Variants in SCN2A observed in about 807,000 individuals in gnomAD.
SCN2A encodes the protein sodium voltage-gated channel alpha subunit 2, also known as sodium channel protein type 2 subunit alpha.
In SCN2A, 20 loss-of-function variants were observed where a neutral mutation model predicts 188.7. The ratio of observed to expected loss-of-function variants is 0.11; its 90% confidence interval spans 0.07 to 0.15. The LOEUF is 0.15. Ranked by LOEUF, SCN2A falls within the 10% of genes least tolerant of loss-of-function variation. The pLI, the probability that SCN2A is intolerant of heterozygous loss-of-function variation, is 1.00. For synonymous variants in SCN2A, 804 were observed against 833.1 expected, an observed-to-expected ratio of 0.97 and a Z score of 0.60; for missense variants, 1,278 against 2,445.0, an observed-to-expected ratio of 0.52 and a Z score of 10.07.
At chr2:165,308,089 T>C (rs1431789367) in intron 4 of SCN2A, 152 bp downstream of exon 4, 4 of 707,806 alleles carry the variant, frequency 5.7e-6, no homozygotes, top group Non-Finnish European at 1.0e-5. Flanking sequence ...AAATGTCTTC[T>C]AGGACAAAGC....
chr2:165,384,231 A>T (rs1301600962), intron 25 of SCN2A, among the ~76,000 whole-genome samples: 1 of 152,148 alleles, frequency 6.6e-6, no homozygotes. Flanking sequence ...TAATGTTCTA[A>T]AAAAAGTAAA....
intron 19 of SCN2A, among the ~76,000 whole-genome samples, chr2:165,369,034 T>C (rs1700881809): frequency 6.6e-6 from 1 of 152,164 alleles, no homozygotes. Flanking sequence ...CATGCCATTC[T>C]TGTGCCTTAA....
At position 165,263,802 on chromosome 2, in the gene SCN2A, G is replaced by A. The variant is rs1180394496; in HGVS notation, c.-52+24162G>A. Among the ~76,000 whole-genome samples, 11 of 151,814 alleles carry A rather than the reference G, an allele frequency of 7.2e-5. No homozygotes were observed. In the Middle Eastern group the frequency reaches 0.01, roughly 141 times the overall value. On this transcript the variant is annotated intron_variant, in intron 1 of 26. Transcript: ENST00000375437. Reference sequence around the variant, plus strand: ...TGTTGTGTTTCCATTTGTTTGTGTTGTCTATGATTTCTTTCAGCAGTGTTT... The same window carrying A: ...TGTTGTGTTTCCATTTGTTTGTGTTATCTATGATTTCTTTCAGCAGTGTTT...
rs1485827292 is a variant in SCN2A, at chr2:165,308,744, A to C, written c.555A>C (p.Thr185=). 2 of 1,612,800 alleles carry C rather than the reference A, an allele frequency of 1.2e-6. No homozygotes were observed. Among genetic ancestry groups the C allele is most frequent in the Non-Finnish European group, 1.7e-6 (2 of 1,179,174 alleles). Residue 185 remains threonine, a synonymous_variant, in exon 5 of 27, where the codon ACA becomes ACC. Coordinates refer to ENST00000375437, the MANE Select transcript of SCN2A (RefSeq NM_001040142.2). The stretch of plus-strand genomic sequence containing the variant: ...GGGGCTTTTGTTTAGAAGATTTCAC[A>C]TTTTTACGGGATCCATGGAATTGGT... ...LARGFCLEDF[T]FLRDPWNWLD... is the part of the protein sequence containing the mutation.
intron 19 of SCN2A, among the ~76,000 whole-genome samples, chr2:165,369,153 T>C (rs1243818082): frequency 2.0e-5 from 3 of 152,152 alleles, no homozygotes; most frequent in Non-Finnish European, 2.9e-5. Context: ...GGTCTCGAAC[T>C]CCTGGCCTCA....
intron 23 of SCN2A, among the ~76,000 whole-genome samples, chr2:165,379,133 G>A (rs1353221348): frequency 6.6e-6 from 1 of 151,774 alleles, no homozygotes; most frequent in Non-Finnish European, 1.5e-5. Flanking sequence ...TTATGCACAT[G>A]TTTAGGATAA....
intron 16 of SCN2A, among the ~76,000 whole-genome samples, chr2:165,351,224 GT>G (rs1024977376): frequency 1.3e-4 from 20 of 152,150 alleles, no homozygotes; most frequent in Admixed American, 6.5e-5. Context: ...GCTGATGAAA[GT>G]TAGTGTCTAG....
Position 165,331,254 on chromosome 2 carries a change from T to C in SCN2A, c.2150-76T>C. 4 of 1,157,216 alleles carry C rather than the reference T, an allele frequency of 3.5e-6. No homozygotes were observed. In the South Asian group the frequency reaches 5.0e-5, roughly 14 times the overall value. 71.7% of individuals were successfully genotyped at this position (1,157,216 alleles called of 1,614,324 possible). A position where few individuals can be genotyped will look rare whatever the true frequency, so the allele number is the denominator to read the frequency against. On this transcript the variant is annotated intron_variant, in intron 13 of 26. Coordinates refer to ENST00000375437, the MANE Select transcript of SCN2A (RefSeq NM_001040142.2). ...TTTAACAACTTTAGATTTTTTAAAT[T>C]CCTTTTAATTTAAACCAAATCTGCT...
intron 14 of SCN2A, among the ~76,000 whole-genome samples, chr2:165,340,744 G>A (rs1699266624): frequency 6.6e-6 from 1 of 152,208 alleles, no homozygotes; most frequent in Non-Finnish European, 1.5e-5. Context: ...AAAATCAGGT[G>A]AGTAGCATCC....
chr2:165,322,330 G>A (rs184326097), intron 11 of SCN2A, among the ~76,000 whole-genome samples: 92 of 152,266 alleles, frequency 6.0e-4, no homozygotes, highest in Non-Finnish European at 1.1e-3. Context: ...TGGGAGACCC[G>A]AGCCTCAAGT....
In SCN2A at chr2:165,389,156, G is replaced by A; in HGVS notation, c.5350G>A (p.Glu1784Lys). The change falls in exon 27 of 27, where the codon GAA (glutamate) becomes AAA (lysine). Residue 1784 changes from glutamate (E) to lysine (K), a missense_variant. Physicochemically the swap from Glu to Lys is moderately conservative, Grantham distance 56 (BLOSUM62 1). Coordinates refer to ENST00000375437, the MANE Select transcript of SCN2A (RefSeq NM_001040142.2). The surrounding 1 kb of genome is among the most constrained non-coding windows in gnomAD (Gnocchi z 4.2). ...CCTGGAGAACTTCAGTGTTGCTACT[G>A]AAGAAAGTGCAGAGCCTCTGAGTGA... ...VILENFSVATEESAEPLSEDD... is the reference protein window; with the variant it reads ...VILENFSVATKESAEPLSEDD... 1 of 1,614,062 alleles carries A rather than the reference G, an allele frequency of 6.2e-7. No individual in the cohort carries two copies. Among genetic ancestry groups the A allele is most frequent in the Non-Finnish European group, 8.5e-7 (1 of 1,180,016 alleles).
intron 23 of SCN2A, among the ~76,000 whole-genome samples, chr2:165,379,167 C>CT (rs36015842): frequency 3.3e-5 from 5 of 151,546 alleles, no homozygotes; most frequent in South Asian, 2.1e-4. Context: ...ATGAATATAA[C>CT]TTTTTTTTGC....
intron 1 of SCN2A, among the ~76,000 whole-genome samples, chr2:165,244,327 T>C (rs1693752653): frequency 6.6e-6 from 1 of 152,150 alleles, no homozygotes; most frequent in Admixed American, 6.5e-5. Context: ...ACGTTAGTGT[T>C]ATCTCCTCTT....
intron 1 of SCN2A, chr2:165,285,147 A>G (rs895006168): frequency 6.6e-6 from 1 of 152,406 alleles, no homozygotes; most frequent in East Asian, 1.9e-4. Flanking sequence ...GGACATAACA[A>G]TCATTTAATG....
intron 8 of SCN2A, 34 bp downstream of exon 8, chr2:165,312,122 A>C: frequency 6.5e-7 from 1 of 1,543,644 alleles, no homozygotes; most frequent in Non-Finnish European, 8.9e-7. Flanking sequence ...TTCAGTCCAC[A>C]CTGCTCCATC....
intron 14 of SCN2A, among the ~76,000 whole-genome samples, chr2:165,333,272 G>A (rs969022405): frequency 2.0e-5 from 3 of 151,834 alleles, no homozygotes; most frequent in African/African-American, 2.4e-5. Flanking sequence ...AGCTGGGGCT[G>A]GTCTTACGTG....
At chr2:165,376,706 G>C (rs1574721155) in intron 22 of SCN2A, among the ~76,000 whole-genome samples, 1 of 151,972 alleles carries the variant, frequency 6.6e-6, no homozygotes, top group Admixed American at 6.6e-5. Context: ...AGGGGTGTGT[G>C]TGTGTGTGTG....
rs137885031 is a variant in SCN2A, at chr2:165,278,640, C to G, written c.-51-17133C>G. ...TCGTGGGGGTTGGTAAGAGGGAAGA[C>G]TAGAAAGGAAAGCTGGACTAGGCAA... On this transcript the variant is annotated intron_variant, in intron 1 of 26. Coordinates refer to ENST00000375437, the MANE Select transcript of SCN2A (RefSeq NM_001040142.2). Among the ~76,000 whole-genome samples, 232 of 152,150 alleles carry G rather than the reference C, an allele frequency of 1.5e-3. 1 individual carries two copies. The highest frequency in any genetic ancestry group is 2.8e-3 in the Non-Finnish European group (192 of 67,978).
intron 10 of SCN2A, among the ~76,000 whole-genome samples, chr2:165,315,257 G>A (rs748849594): frequency 4.6e-5 from 7 of 152,064 alleles, no homozygotes; most frequent in Non-Finnish European, 8.8e-5. Flanking sequence ...GAGCTTGAAG[G>A]TTCTCATAAA....
Sources: allele counts gnomAD v4.1 joint callset (sites outside exome capture counted in the v4.1 genomes callset), GRCh38; gene constraint gnomAD v4.1.1; non-coding constraint Gnocchi (gnomAD v3.1); transcripts MANE v1.5; gene names NCBI Gene and HGNC (gene_info 2026-07-23, HGNC 2026-07-21).